Variants in CNTLN observed in about 807,000 individuals in gnomAD.
The protein encoded by CNTLN is centlein, centrosomal protein.
CNTLN carries 212 observed loss-of-function variants against 180.0 expected under a neutral mutation model. That is an observed-to-expected ratio of 1.18 (90% CI 1.05 to 1.32). CNTLN has a LOEUF of 1.32. Among genes scored for constraint, CNTLN ranks in the 40% most tolerant of loss-of-function variants. The pLI is 0.00. For missense variants in CNTLN, 2,095 were observed against 1,610.9 expected, an observed-to-expected ratio of 1.30 and a Z score of -5.14; for synonymous variants, 722 against 563.1, an observed-to-expected ratio of 1.28 and a Z score of -3.99.
chr9:17,348,483 G>T lies in CNTLN; in HGVS notation c.1886+6039G>T, dbSNP rs566785758. On this transcript the variant is annotated intron_variant, in intron 12 of 25. Transcript: ENST00000380647. Reference sequence around the variant, plus strand: ...GAGTTTGAAGGGGTTCCTGCTTAGTGTTGGTGAAAGTGCAGGCTTCTCACT... The same window carrying T: ...GAGTTTGAAGGGGTTCCTGCTTAGTTTTGGTGAAAGTGCAGGCTTCTCACT... Among the ~76,000 whole-genome samples, 8 of 151,348 alleles carry T rather than the reference G, an allele frequency of 5.3e-5. No individual in the cohort carries two copies. In the South Asian group the frequency reaches 1.7e-3, roughly 32 times the overall value.
rs962009314 is a variant in CNTLN, at chr9:17,405,710, A to G, written c.2616-3583A>G. Among the ~76,000 whole-genome samples, 2 of 151,700 alleles carry G rather than the reference A, an allele frequency of 1.3e-5. 1 individual carries two copies. Among genetic ancestry groups the G allele is most frequent in the African/African-American group, 4.9e-5 (2 of 41,102 alleles). ...TGATCTCATAGTATTTATTAACATC[A>G]TTGTTACCACCTATATTCCAGCCAC... On this transcript the variant is annotated intron_variant, in intron 15 of 25. Coordinates refer to ENST00000380647, the MANE Select transcript of CNTLN (RefSeq NM_017738.4).
chr9:17,353,158 G>A (rs986548249), intron 12 of CNTLN, among the ~76,000 whole-genome samples: 1 of 151,982 alleles, frequency 6.6e-6, no homozygotes, highest in Non-Finnish European at 1.5e-5. Flanking sequence ...GTCTCACTTT[G>A]TTGCCTAGGC....
chr9:17,300,410 C>T (rs190599465), intron 7 of CNTLN: 7 of 152,204 alleles, frequency 4.6e-5, no homozygotes, highest in Admixed American at 2.6e-4. Context: ...CTTAATATCT[C>T]TTCACTTGGA....
At chr9:17,175,590 T>C (rs1820670807) in intron 2 of CNTLN, among the ~76,000 whole-genome samples, 1 of 152,192 alleles carries the variant, frequency 6.6e-6, no homozygotes, top group Admixed American at 6.5e-5. Flanking sequence ...TTTCTCCTGC[T>C]TTTTCTTCCT....
intron 5 of CNTLN, among the ~76,000 whole-genome samples, chr9:17,273,273 C>G (rs1828073935): frequency 1.3e-5 from 2 of 152,144 alleles, no homozygotes. Context: ...CGATCTGAGT[C>G]TCAAACTCTG....
At chr9:17,450,092 C>T (rs1830696019) in intron 18 of CNTLN, among the ~76,000 whole-genome samples, 1 of 152,156 alleles carries the variant, frequency 6.6e-6, no homozygotes, top group African/African-American at 2.4e-5. Context: ...TAGCGTATCT[C>T]TTATCCATAT....
At chr9:17,146,811 T>A (rs1227330721) in intron 2 of CNTLN, among the ~76,000 whole-genome samples, 1 of 152,124 alleles carries the variant, frequency 6.6e-6, no homozygotes, top group East Asian at 1.9e-4. Context: ...ATTTTTTAAT[T>A]TTTTCCTTTT....
At chr9:17,521,087 T>A in the CNTLN span, among the ~76,000 whole-genome samples, 1 of 152,150 alleles carries the variant, frequency 6.6e-6, no homozygotes, top group African/African-American at 2.4e-5. Flanking sequence ...GTAATCTAAC[T>A]AGACAAGGCA....
chr9:17,448,913 G>A (rs1214522642), intron 18 of CNTLN, among the ~76,000 whole-genome samples: 1 of 152,174 alleles, frequency 6.6e-6, no homozygotes, highest in Non-Finnish European at 1.5e-5. Flanking sequence ...AGGAGAAGGA[G>A]AGTGAAAAAG....
intron 2 of CNTLN, among the ~76,000 whole-genome samples, chr9:17,150,532 A>G (rs889005599): frequency 1.3e-5 from 2 of 152,202 alleles, no homozygotes; most frequent in African/African-American, 2.4e-5. Context: ...GTACCAGTAC[A>G]TGCTGTTTTG....
chr9:17,271,388 G>A (rs1018200906), intron 5 of CNTLN, among the ~76,000 whole-genome samples: 3 of 151,952 alleles, frequency 2.0e-5, no homozygotes, highest in African/African-American at 7.3e-5. Flanking sequence ...TGTACTAAGG[G>A]GTGCATTTTC....
intron 13 of CNTLN, among the ~76,000 whole-genome samples, chr9:17,372,724 C>T (rs997991113): frequency 1.3e-5 from 2 of 152,036 alleles, no homozygotes; most frequent in Admixed American, 6.6e-5. Context: ...GCAGAAAAAA[C>T]CTCTGCAAGA....
At chr9:17,270,937 G>C (rs543900385) in intron 5 of CNTLN, among the ~76,000 whole-genome samples, 1 of 149,286 alleles carries the variant, frequency 6.7e-6, no homozygotes, top group Non-Finnish European at 1.5e-5. Context: ...ATTTCCTTCA[G>C]AGAGGAGTTC....
intron 18 of CNTLN, among the ~76,000 whole-genome samples, chr9:17,433,443 C>T (rs1416128184): frequency 6.6e-6 from 1 of 151,886 alleles, no homozygotes; most frequent in African/African-American, 2.4e-5. Flanking sequence ...TGCCACCATG[C>T]CTGGCTAATT....
chr9:17,145,689 C>T (rs769048746), intron 2 of CNTLN, among the ~76,000 whole-genome samples: 5 of 152,176 alleles, frequency 3.3e-5, no homozygotes, highest in East Asian at 1.9e-4. Flanking sequence ...TGGATTTGGA[C>T]GAATTAATTT....
chr9:17,487,024 C>T lies in CNTLN; in HGVS notation c.4077C>T (p.Asp1359=). 6.3e-7 allele frequency: 1 copy of T among 1,581,930 alleles called. No individual in the cohort carries two copies. The highest frequency in any genetic ancestry group is 8.5e-7 in the Non-Finnish European group (1 of 1,170,442). The change falls in exon 25 of 26, where the codon GAC becomes GAT. Residue 1359 remains aspartate, a synonymous_variant. Transcript: ENST00000380647. ...AAACAAAAATTGATGCTGAAAATGACAAGGAATGGATGTTGTACATTCAGA... is the reference window on the plus strand; with the variant it reads ...AAACAAAAATTGATGCTGAAAATGATAAGGAATGGATGTTGTACATTCAGA... ...IEKTKIDAEN[D]KEWMLYIQKL...
intron 24 of CNTLN, among the ~76,000 whole-genome samples, chr9:17,484,885 A>C (rs562863624): frequency 6.6e-6 from 1 of 152,102 alleles, no homozygotes; most frequent in Non-Finnish European, 1.5e-5. Context: ...AAAAGTGCCA[A>C]ATCTATTGGC....
intron 7 of CNTLN, among the ~76,000 whole-genome samples, chr9:17,304,429 ACCAT>A (rs1414881800): frequency 6.6e-6 from 1 of 152,198 alleles, no homozygotes; most frequent in Admixed American, 6.5e-5. Flanking sequence ...TGATTTCTAG[ACCAT>A]CCAACATGGT....
intron 10 of CNTLN, among the ~76,000 whole-genome samples, chr9:17,333,101 A>G (rs1373711235): frequency 6.6e-6 from 1 of 152,098 alleles, no homozygotes; most frequent in Admixed American, 6.6e-5. Context: ...GTTTAAAAGC[A>G]TATTAACCTA....
Sources: allele counts gnomAD v4.1 joint callset (sites outside exome capture counted in the v4.1 genomes callset), GRCh38; gene constraint gnomAD v4.1.1; transcripts MANE v1.5; gene names NCBI Gene and HGNC (gene_info 2026-07-23, HGNC 2026-07-21).